The following ITPRID1 variants were observed in gnomAD, a reference collection of about 807,000 sequenced individuals.
The protein encoded by ITPRID1 is protein ITPRID1.
In ITPRID1, 96 loss-of-function variants were observed where a neutral mutation model predicts 95.4. The observed-to-expected ratio is 1.01, with a 90% CI of 0.85 to 1.19. The LOEUF is 1.19. Ranked by LOEUF, ITPRID1 falls within the 50% of genes most tolerant of loss-of-function variation. The pLI is 0.00. For synonymous variants in ITPRID1, 510 were observed against 453.6 expected (o/e 1.12, Z -1.58); for missense variants, 1,339 against 1,252.9 (o/e 1.07, Z -1.04).
intron 10 of ITPRID1, among the ~76,000 whole-genome samples, chr7:31,604,340 A>C (rs1180560962): frequency 6.6e-6 from 1 of 152,252 alleles, no homozygotes; most frequent in Non-Finnish European, 1.5e-5. Flanking sequence ...GCAAGGGTGT[A>C]ACTGAGCTAG....
chr7:31,561,339 G>A (rs754557662), intron 5 of ITPRID1, among the ~76,000 whole-genome samples: 27 of 152,196 alleles, frequency 1.8e-4, no homozygotes, highest in Non-Finnish European at 3.2e-4. Context: ...TGGTGGCTGA[G>A]ATGTACTGAG....
At chr7:31,570,230 T>C (rs1000771444) in intron 6 of ITPRID1, among the ~76,000 whole-genome samples, 2 of 152,166 alleles carry the variant, frequency 1.3e-5, no homozygotes, top group African/African-American at 2.4e-5. Context: ...AGTCTCTTCA[T>C]TGGAGGAAAT....
At chr7:31,604,084 A>G (rs1259977517) in intron 10 of ITPRID1, among the ~76,000 whole-genome samples, 1 of 152,166 alleles carries the variant, frequency 6.6e-6, no homozygotes, top group African/African-American at 2.4e-5. Flanking sequence ...GACCCTTTGC[A>G]TGCATCTTTG....
At chr7:31,587,600 A>G (rs1785673990) in intron 10 of ITPRID1, among the ~76,000 whole-genome samples, 1 of 150,688 alleles carries the variant, frequency 6.6e-6, no homozygotes. Flanking sequence ...ATCCCCATCA[A>G]GCTACCAATG....
chr7:31,567,879 A>T (rs1401223486), intron 5 of ITPRID1, among the ~76,000 whole-genome samples: 3 of 152,154 alleles, frequency 2.0e-5, no homozygotes, highest in Non-Finnish European at 4.4e-5. Context: ...TAGTCCCAGG[A>T]CTTTGGGAGA....
At chr7:31,636,936 C>G (rs1789546139) in intron 10 of ITPRID1, among the ~76,000 whole-genome samples, 2 of 132,474 alleles carry the variant, frequency 1.5e-5, no homozygotes, top group Admixed American at 9.4e-5. Context: ...CTTCCTGTAT[C>G]CATGTGTTCT....
chr7:31,645,136 T>G (rs1282034019), intron 12 of ITPRID1, among the ~76,000 whole-genome samples: 1 of 152,198 alleles, frequency 6.6e-6, no homozygotes, highest in African/African-American at 2.4e-5. Flanking sequence ...AAATTCAGAT[T>G]CAATTTGGGT....
chr7:31,544,557 A>G (rs747811464), intron 1 of ITPRID1, among the ~76,000 whole-genome samples: 65 of 152,020 alleles, frequency 4.3e-4, no homozygotes, highest in Non-Finnish European at 7.5e-4. Flanking sequence ...AGCTTTTTTT[A>G]TACCCCCCTC....
At chr7:31,567,564 T>G (rs560623809) in intron 5 of ITPRID1, among the ~76,000 whole-genome samples, 1 of 149,570 alleles carries the variant, frequency 6.7e-6, no homozygotes, top group South Asian at 2.1e-4. Flanking sequence ...ATCGATTCTA[T>G]TTCTCACCCC....
Position 31,520,334 on chromosome 7 carries a change from T to A in ITPRID1, c.-98+6214T>A, listed in dbSNP as rs182972917. On this transcript the variant is annotated intron_variant, in intron 1 of 14. Transcript: ENST00000615280. ...ACTGTTAAGTTACGCTTTTCCTCTT[T>A]CCATACTTATTTTTTGAAAGAAAGT... 4.6e-4 allele frequency among the ~76,000 whole-genome samples: 70 copies of A among 152,288 alleles called. No homozygotes were observed. In the Middle Eastern group the frequency reaches 0.01, roughly 22 times the overall value.
intron 10 of ITPRID1, among the ~76,000 whole-genome samples, chr7:31,623,603 C>T (rs1363280718): frequency 1.4e-5 from 2 of 147,604 alleles, no homozygotes; most frequent in African/African-American, 5.0e-5. Context: ...TGGGACGTAT[C>T]TCAAAATAAT....
At chr7:31,607,097 A>G (rs747735379) in intron 10 of ITPRID1, among the ~76,000 whole-genome samples, 1 of 151,484 alleles carries the variant, frequency 6.6e-6, no homozygotes, top group African/African-American at 2.4e-5. Flanking sequence ...CTTTTTTTCT[A>G]TTTTTGAAAC....
intron 12 of ITPRID1, among the ~76,000 whole-genome samples, chr7:31,646,513 A>G (rs1790482730): frequency 6.6e-6 from 1 of 152,166 alleles, no homozygotes; most frequent in South Asian, 2.1e-4. Flanking sequence ...TAAGGACATT[A>G]TTCAGAATAG....
intron 10 of ITPRID1, among the ~76,000 whole-genome samples, chr7:31,638,653 C>T (rs941889092): frequency 1.3e-5 from 2 of 152,180 alleles, no homozygotes; most frequent in Non-Finnish European, 2.9e-5. Flanking sequence ...TGGATTATTT[C>T]CAATGAGAAA....
At chr7:31,619,427 T>C (rs1031559501) in intron 10 of ITPRID1, among the ~76,000 whole-genome samples, 1 of 152,216 alleles carries the variant, frequency 6.6e-6, no homozygotes, top group African/African-American at 2.4e-5. Context: ...ATGTAACATG[T>C]TCCTAACTTA....
intron 1 of ITPRID1, among the ~76,000 whole-genome samples, chr7:31,529,138 C>T (rs1242878851): frequency 6.6e-6 from 1 of 152,118 alleles, no homozygotes; most frequent in African/African-American, 2.4e-5. Flanking sequence ...ACAATTTGGA[C>T]TTCTTCTTTA....
intron 10 of ITPRID1, among the ~76,000 whole-genome samples, chr7:31,637,064 T>C (rs888561692): frequency 1.5e-4 from 23 of 152,004 alleles, no homozygotes; most frequent in Non-Finnish European, 2.8e-4. Flanking sequence ...AGGACATGAA[T>C]TCATCATTTT....
intron 5 of ITPRID1, 131 bp downstream of exon 5, chr7:31,555,032 C>T (rs1429402121): frequency 2.9e-6 from 2 of 685,528 alleles, no homozygotes; most frequent in African/African-American, 3.6e-5. Context: ...AAAAACTATC[C>T]AGCTCAATCT....
rs141213916 is a variant in ITPRID1 at position 31,648,939 on chromosome 7, G to A, written c.2584-2203G>A. Among the ~76,000 whole-genome samples, 721 of 152,306 alleles carry A rather than the reference G, an allele frequency of 4.7e-3. 3 individuals carry two copies. Among genetic ancestry groups the A allele is most frequent in the Non-Finnish European group, 6.7e-3 (453 of 68,024 alleles). On this transcript the variant is annotated intron_variant, in intron 12 of 14. Coordinates refer to ENST00000615280, the MANE Select transcript of ITPRID1 (RefSeq NM_001257967.3). Reference sequence around the variant, plus strand: ...AACTAGCCATTCTATGTCAGAACACGTATCTATAACAGATGCCCTTCATGG... The same window carrying A: ...AACTAGCCATTCTATGTCAGAACACATATCTATAACAGATGCCCTTCATGG...
Sources: gnomAD v4.1 joint callset for allele counts (sites outside exome capture counted in the v4.1 genomes callset) on GRCh38, gnomAD v4.1.1 for gene constraint, MANE v1.5 for transcripts, NCBI Gene and HGNC (gene_info 2026-07-23, HGNC 2026-07-21) for gene names.